The following COL9A1 variants were observed in gnomAD, a reference collection of about 807,000 sequenced individuals.
COL9A1 encodes the protein collagen type IX alpha 1 chain.
A neutral mutation model predicts 142.6 loss-of-function variants in COL9A1; 104 were observed. The observed-to-expected ratio is 0.73, with a 90% CI of 0.62 to 0.86. COL9A1 has a LOEUF of 0.86. Among genes scored for constraint, COL9A1 ranks in the 40% least tolerant of loss-of-function variants. The pLI is 0.00. For missense variants in COL9A1, 1,210 were observed against 1,176.6 expected (o/e 1.03, Z -0.42); for synonymous variants, 466 against 396.0 (o/e 1.18, Z -2.10).
chr6:70,232,923 C>T, intron 35 of COL9A1, 152 bp from the exon 36 acceptor site: 1 of 837,100 alleles, frequency 1.2e-6, no homozygotes, highest in Non-Finnish European at 2.0e-6. Flanking sequence ...GATAATTTCT[C>T]TGTGGGCTTT....
chr6:70,298,386 C>T (rs765283586), intron 4 of COL9A1, among the ~76,000 whole-genome samples: 1 of 152,186 alleles, frequency 6.6e-6, no homozygotes, highest in Non-Finnish European at 1.5e-5. Context: ...TTACTGTTTA[C>T]TTGGAATTCC....
intron 10 of COL9A1, among the ~76,000 whole-genome samples, chr6:70,275,575 T>C: frequency 6.6e-6 from 1 of 152,130 alleles, no homozygotes; most frequent in Non-Finnish European, 1.5e-5. Context: ...TACTTTATCA[T>C]CATCCTCAAT....
intron 21 of COL9A1, 138 bp from the exon 22 acceptor site, chr6:70,255,528 T>C: frequency 1.3e-6 from 1 of 742,712 alleles, no homozygotes. Flanking sequence ...GAAGCCTAGA[T>C]GAAGAAGTCT....
intron 5 of COL9A1, among the ~76,000 whole-genome samples, chr6:70,286,049 C>T (rs1003914746): frequency 7.9e-5 from 12 of 152,090 alleles, no homozygotes; most frequent in Admixed American, 4.6e-4. Flanking sequence ...CCACCACACC[C>T]AGCTAATTTT....
intron 5 of COL9A1, among the ~76,000 whole-genome samples, chr6:70,289,077 G>C (rs1036374970): frequency 2.6e-5 from 4 of 152,202 alleles, no homozygotes; most frequent in Admixed American, 2.6e-4. Context: ...CATTATTTGT[G>C]GCAATTCCCT....
intron 10 of COL9A1, among the ~76,000 whole-genome samples, chr6:70,276,965 C>T (rs1772802341): frequency 6.6e-6 from 1 of 152,194 alleles, no homozygotes; most frequent in Admixed American, 6.5e-5. Flanking sequence ...ATCCTCATCA[C>T]ATTTCTTCAA....
chr6:70,289,145 A>C (rs1424317485), intron 5 of COL9A1, among the ~76,000 whole-genome samples: 1 of 152,028 alleles, frequency 6.6e-6, no homozygotes, highest in Non-Finnish European at 1.5e-5. Flanking sequence ...ATTAGATGCA[A>C]AGTTTCCTCC....
intron 10 of COL9A1, among the ~76,000 whole-genome samples, chr6:70,278,048 C>T (rs901016104): frequency 6.6e-6 from 1 of 152,106 alleles, no homozygotes; most frequent in East Asian, 1.9e-4. Context: ...TCAAATCAGT[C>T]AAAGAGTGGA....
At chr6:70,282,475 G>A (rs1023691717) in intron 7 of COL9A1, among the ~76,000 whole-genome samples, 11 of 152,070 alleles carry the variant, frequency 7.2e-5, no homozygotes, top group African/African-American at 2.7e-4. Context: ...CTCGGGGTTA[G>A]TGCAGCTACG....
In COL9A1 at chr6:70,283,155, A is replaced by T; in HGVS notation, c.781-237T>A. The stretch of plus-strand genomic sequence containing the variant: ...ATAGGTGGCACTTCGTCCCTGCAGA[A>T]AAAGCACCCCCGGGAGTAGCGGTTG... On this transcript the variant is annotated intron_variant, in intron 6 of 37. Transcript: ENST00000357250. 4 of 1,518,708 alleles carry T rather than the reference A, an allele frequency of 2.6e-6. No homozygotes were observed. In the South Asian group the frequency reaches 4.8e-5, roughly 18 times the overall value. The allele number at this position is 1,518,708 out of a possible 1,614,324, so 94.1% of individuals were successfully genotyped here.
At chr6:70,280,692 G>C in intron 10 of COL9A1, 120 bp downstream of exon 10, 1 of 1,394,064 alleles carries the variant, frequency 7.2e-7, no homozygotes, top group Non-Finnish European at 9.9e-7. Flanking sequence ...GCCAAGTTTA[G>C]AGCCACAGCG....
chr6:70,293,631 TCACACACACACACACACACACACACA>T (rs3222430), intron 5 of COL9A1, among the ~76,000 whole-genome samples: 1 of 137,778 alleles, frequency 7.3e-6, no homozygotes. Context: ...TCTCTCTCTT[TCACACACACACACACACACACACACA>T]CACACACACA....
chr6:70,258,896 G>T (rs759915977), intron 20 of COL9A1, among the ~76,000 whole-genome samples: 3 of 152,002 alleles, frequency 2.0e-5, no homozygotes, highest in Non-Finnish European at 4.4e-5. Flanking sequence ...CATATTCTAG[G>T]GGATGATTTA....
intron 18 of COL9A1, among the ~76,000 whole-genome samples, chr6:70,266,052 C>T (rs1331765057): frequency 1.3e-5 from 2 of 152,104 alleles, no homozygotes; most frequent in African/African-American, 4.8e-5. Context: ...TGCAGGAAGT[C>T]AAATTCTTAG....
At chr6:70,279,492 T>C (rs966537277) in intron 10 of COL9A1, 1 of 152,102 alleles carries the variant, frequency 6.6e-6, no homozygotes, top group African/African-American at 2.4e-5. Context: ...AATACAAAAC[T>C]TAGCAGGGCA....
Position 70,302,062 on chromosome 6 carries a change from A to T in COL9A1, c.27T>A (p.Val9=), listed in dbSNP as rs779772316. Residue 9 remains valine (V), a synonymous_variant, in exon 2 of 38, where the codon GTT becomes GTA. Coordinates refer to ENST00000357250, the MANE Select transcript of COL9A1 (RefSeq NM_001851.6). MKTCWKIP[V]FFFVCSFLEP... ...CCAGGAAACTGCACACAAAGAAGAA[A>T]ACTGGAATTTTCCTGAAGAAGAGAG... 6.2e-7 allele frequency: 1 copy of T among 1,611,132 alleles called. No homozygotes were observed. The highest frequency in any genetic ancestry group is 2.2e-5 in the East Asian group (1 of 44,872).
rs71771132 is a variant in COL9A1, at chr6:70,234,305, A to AAAAC, written c.2314+233_2314+234insGTTT. Among the ~76,000 whole-genome samples the AAAAC allele has an allele frequency of 0.055, 5,960 of 108,908 alleles. 184 individuals are homozygous for AAAAC. The highest frequency in any genetic ancestry group is 0.09 in the Non-Finnish European group (3,782 of 42,004). The allele number at this position is 108,908 out of a possible 152,430, so 71.4% of individuals were successfully genotyped here. A position where few individuals can be genotyped will look rare whatever the true frequency, so the allele number is the denominator to read the frequency against. On this transcript the variant is annotated intron_variant, in intron 35 of 37. Transcript: ENST00000357250. Reference sequence around the variant, plus strand: ...CCATGGCAAAAAAACAAAACAAAACAAAAAAAAGGCAGGATAACCAGAAAA... The same window carrying AAAAC: ...CCATGGCAAAAAAACAAAACAAAACAAAACAAAAAAAGGCAGGATAACCAGAAAA...
At chr6:70,300,805 G>A (rs1406148994) in intron 2 of COL9A1, among the ~76,000 whole-genome samples, 1 of 152,116 alleles carries the variant, frequency 6.6e-6, no homozygotes, top group African/African-American at 2.4e-5. Context: ...CTGGTGGTTT[G>A]GGCTAGAAAA....
At chr6:70,271,163 T>C (rs947045667) in intron 14 of COL9A1, among the ~76,000 whole-genome samples, 1 of 152,228 alleles carries the variant, frequency 6.6e-6, no homozygotes, top group African/African-American at 2.4e-5. Context: ...ATAACATCAC[T>C]ATGTCAACGT....
Sources: allele counts gnomAD v4.1 joint callset (sites outside exome capture counted in the v4.1 genomes callset), GRCh38; gene constraint gnomAD v4.1.1; transcripts MANE v1.5; gene names NCBI Gene and HGNC (gene_info 2026-07-23, HGNC 2026-07-21).